Variants in PLXDC2 observed in about 807,000 individuals in gnomAD.
PLXDC2 encodes plexin domain containing 2.
A neutral mutation model predicts 68.9 loss-of-function variants in PLXDC2; 40 were observed. The ratio of observed to expected loss-of-function variants is 0.58; its 90% confidence interval spans 0.45 to 0.76. PLXDC2 has a LOEUF of 0.76. PLXDC2 is among the 30% of genes least tolerant of loss of function. The pLI is 0.00. For missense variants in PLXDC2, 644 were observed against 661.9 expected (o/e 0.97, Z 0.30); for synonymous variants, 243 against 234.2 (o/e 1.04, Z -0.34).
chr10:20,077,876 T>C (rs940301714), intron 4 of PLXDC2, among the ~76,000 whole-genome samples: 1 of 152,204 alleles, frequency 6.6e-6, no homozygotes, highest in Admixed American at 6.5e-5. Flanking sequence ...TATGAAGTTT[T>C]AGTCATTAAG....
Position 20,228,632 on chromosome 10 carries a change from C to T in PLXDC2, c.1312+9530C>T, listed in dbSNP as rs972149285. 6.6e-5 allele frequency among the ~76,000 whole-genome samples: 9 copies of T among 137,312 alleles called. No individual in the cohort carries two copies. In the South Asian group the frequency reaches 7.0e-4, roughly 11 times the overall value. The allele number at this position is 137,312 out of a possible 152,430, so 90.1% of individuals were successfully genotyped here. A position where few individuals can be genotyped will look rare whatever the true frequency, so the allele number is the denominator to read the frequency against. ...GAAGGAGGAAAGAAGGAAGGAAGGG[C>T]GGAAGGGAGGGAGGAAACAAGGAAG... On this transcript the variant is annotated intron_variant, in intron 12 of 13. Transcript: ENST00000377252.
chr10:19,987,725 C>T (rs906224819), intron 1 of PLXDC2, among the ~76,000 whole-genome samples: 11 of 151,340 alleles, frequency 7.3e-5, no homozygotes, highest in Non-Finnish European at 1.5e-4. Flanking sequence ...CCACCCCCGG[C>T]TATTTTTTTT....
At position 19,961,684 on chromosome 10, in the gene PLXDC2, GGGTGGT is replaced by G. The variant is rs1233559698; in HGVS notation, c.113-40090_113-40085del. Among the ~76,000 whole-genome samples the G allele has an allele frequency of 3.3e-5, 5 of 152,192 alleles. No individual in the cohort carries two copies. The East Asian group carries it at 5.8e-4, about 18-fold the overall frequency. ...ATACCCACATCAGCCATTGATGACT[GGGTGGT>G]ACATTGCACAAAGGTCTTGGAAAAA... On this transcript the variant is annotated intron_variant, in intron 1 of 13. Coordinates refer to ENST00000377252, the MANE Select transcript of PLXDC2 (RefSeq NM_032812.9).
intron 2 of PLXDC2, among the ~76,000 whole-genome samples, chr10:20,022,471 A>T (rs1374828366): frequency 6.6e-6 from 1 of 152,234 alleles, no homozygotes; most frequent in Non-Finnish European, 1.5e-5. Flanking sequence ...GTCAGAACCC[A>T]GAGGTCCTTG....
intron 1 of PLXDC2, among the ~76,000 whole-genome samples, chr10:19,836,554 T>A (rs536261550): frequency 7.2e-5 from 11 of 152,244 alleles, no homozygotes; most frequent in African/African-American, 2.6e-4. Flanking sequence ...TCAAATAGAA[T>A]CAAGTTTGTT....
At chr10:19,935,940 TA>T (rs547877148) in intron 1 of PLXDC2, among the ~76,000 whole-genome samples, 1,880 of 152,302 alleles carry the variant, frequency 0.012, 21 homozygotes, top group Non-Finnish European at 0.021. Flanking sequence ...AGTAGATATC[TA>T]AAGAATTCAT....
chr10:20,203,759 T>C (rs1300117112), intron 9 of PLXDC2, among the ~76,000 whole-genome samples: 5 of 152,206 alleles, frequency 3.3e-5, no homozygotes, highest in South Asian at 2.1e-4. Flanking sequence ...TTGGAAAACC[T>C]GCACCTCTGC....
chr10:20,130,627 C>T (rs957103754), intron 4 of PLXDC2, among the ~76,000 whole-genome samples: 3 of 152,098 alleles, frequency 2.0e-5, no homozygotes, highest in Admixed American at 6.5e-5. Context: ...TATATGTGGA[C>T]TTGTCATACA....
At chr10:19,823,003 C>T (rs1977538) in intron 1 of PLXDC2, among the ~76,000 whole-genome samples, 84,874 of 151,588 alleles carry the variant, frequency 0.56, 24,239 homozygotes, top group African/African-American at 0.66. Context: ...GCAAGCACCG[C>T]CTCCCAGGTT....
chr10:20,002,066 T>C, intron 2 of PLXDC2, 80 bp downstream of exon 2: 1 of 1,367,858 alleles, frequency 7.3e-7, no homozygotes, highest in Non-Finnish European at 1.0e-6. Flanking sequence ...TAGACATAAG[T>C]TGTCTCTTCA....
At chr10:20,017,769 T>G (rs560257531) in intron 2 of PLXDC2, among the ~76,000 whole-genome samples, 8 of 152,260 alleles carry the variant, frequency 5.3e-5, no homozygotes, top group African/African-American at 1.9e-4. Flanking sequence ...TATTTAAAGA[T>G]GATCACTGCA....
chr10:19,899,303 GGAATAA>G (rs1301534479), intron 1 of PLXDC2, among the ~76,000 whole-genome samples: 1 of 152,076 alleles, frequency 6.6e-6, no homozygotes, highest in African/African-American at 2.4e-5. Context: ...ATTCACTTAA[GGAATAA>G]GAATAAGTTA....
chr10:19,908,339 A>C (rs1008391295), intron 1 of PLXDC2, among the ~76,000 whole-genome samples: 1 of 152,192 alleles, frequency 6.6e-6, no homozygotes, highest in African/African-American at 2.4e-5. Flanking sequence ...ATTTCTCTAC[A>C]TTGAGTGAGT....
At chr10:19,911,237 C>T (rs918637409) in intron 1 of PLXDC2, among the ~76,000 whole-genome samples, 1 of 151,692 alleles carries the variant, frequency 6.6e-6, no homozygotes, top group Non-Finnish European at 1.5e-5. Flanking sequence ...TGAAAGGAAT[C>T]ATTGAGCGTG....
chr10:20,092,245 T>A (rs143528060), intron 4 of PLXDC2, among the ~76,000 whole-genome samples: 1 of 152,190 alleles, frequency 6.6e-6, no homozygotes, highest in African/African-American at 2.4e-5. Context: ...ACTGATCATA[T>A]GATTTTTAAA....
At chr10:20,215,118 G>C (rs1835118586) in intron 10 of PLXDC2, among the ~76,000 whole-genome samples, 1 of 152,088 alleles carries the variant, frequency 6.6e-6, no homozygotes, top group African/African-American at 2.4e-5. Flanking sequence ...CAACACTTAA[G>C]GAATTGACAT....
intron 9 of PLXDC2, among the ~76,000 whole-genome samples, chr10:20,203,216 A>G (rs1834943786): frequency 6.6e-6 from 1 of 152,174 alleles, no homozygotes; most frequent in African/African-American, 2.4e-5. Context: ...TTTATCAATG[A>G]AAGATAGGAT....
chr10:19,977,834 T>G (rs1212328753), intron 1 of PLXDC2, among the ~76,000 whole-genome samples: 4 of 152,126 alleles, frequency 2.6e-5, no homozygotes, highest in Non-Finnish European at 4.4e-5. Flanking sequence ...AATCTGAGCC[T>G]AATCACCTCC....
chr10:20,020,793 A>G (rs1444708172), intron 2 of PLXDC2, among the ~76,000 whole-genome samples: 3 of 152,204 alleles, frequency 2.0e-5, no homozygotes, highest in Non-Finnish European at 2.9e-5. Flanking sequence ...CTGAACATCA[A>G]TTAGCAGTCC....
Sources: gnomAD v4.1 joint callset for allele counts (sites outside exome capture counted in the v4.1 genomes callset) on GRCh38, gnomAD v4.1.1 for gene constraint, MANE v1.5 for transcripts, NCBI Gene and HGNC (gene_info 2026-07-23, HGNC 2026-07-21) for gene names.